ULK1: variants seen among roughly 807,000 people sequenced by gnomAD.
ULK1 encodes serine/threonine-protein kinase ULK1.
A neutral mutation model predicts 117.5 loss-of-function variants in ULK1; 48 were observed. The ratio of observed to expected loss-of-function variants is 0.41; its 90% CI spans 0.32 to 0.52. The LOEUF (loss-of-function observed/expected upper bound fraction) is 0.52. Among genes scored for constraint, ULK1 ranks in the 20% least tolerant of loss-of-function variants. ULK1 has a pLI of 0.29. For synonymous variants in ULK1, 790 were observed against 637.8 expected (o/e 1.24, Z -3.60); for missense variants, 1,387 against 1,473.4 (o/e 0.94, Z 0.96).
chr12:131,917,193 G>GGACGGGGGTTC (rs1889862284), intron 21 of ULK1, 131 bp downstream of exon 21: 1 of 24,750 alleles, frequency 4.0e-5, no homozygotes, highest in Non-Finnish European at 9.1e-5. Context: ...GGGTCGGGTG[G>GGACGGGGGTTC]GGCTTGGAGG....
chr12:131,913,718 A>T, intron 14 of ULK1, 29 bp from the exon 15 acceptor site: 1 of 1,452,206 alleles, frequency 6.9e-7, no homozygotes, highest in Non-Finnish European at 9.1e-7. Context: ...AAACAAAAAA[A>T]TGCCCTTGGC....
chr12:131,917,088 GC>G, intron 21 of ULK1, 26 bp downstream of exon 21: 1 of 1,464,434 alleles, frequency 6.8e-7, no homozygotes, highest in Non-Finnish European at 9.3e-7. Context: ...GGGCTCGGAG[GC>G]TGTGGGATGG....
rs1890050114 is a variant in ULK1 at position 131,919,481 on chromosome 12, A to G, written c.2694A>G (p.Glu898=). The G allele has an allele frequency of 1.2e-6, 2 of 1,610,820 alleles. No homozygotes were observed. The highest frequency in any genetic ancestry group is 1.7e-6 in the Non-Finnish European group (2 of 1,178,924). ...TGCCTGCCGCCCCCAGCTTCGCGGA[A>G]CAGCTGGTGCTGTACCTGAAGGTGG... is the stretch of plus-strand genomic sequence containing the variant. The part of the protein sequence containing the change: ...SLLSREWGFA[E]QLVLYLKVAE... The change falls in exon 25 of 28, where the codon GAA becomes GAG. Residue 898 remains glutamate, a synonymous_variant. Coordinates refer to ENST00000321867, the MANE Select transcript of ULK1 (RefSeq NM_003565.4).
chr12:131,906,421 A>C (rs1053179071), intron 3 of ULK1: 1 of 162,328 alleles, frequency 6.2e-6, no homozygotes, highest in African/African-American at 2.4e-5. Flanking sequence ...ACGGGGTTTC[A>C]CCATGTTGGC....
At position 131,902,559 on chromosome 12, in the gene ULK1, T is replaced by C. The variant is rs1889130017; in HGVS notation, c.247-4333T>C. Among the ~76,000 whole-genome samples, 2 of 152,154 alleles carry C rather than the reference T, an allele frequency of 1.3e-5. No individual in the cohort carries two copies. On this transcript the variant is annotated intron_variant, in intron 3 of 27. Transcript: ENST00000321867. The surrounding 1 kb of genome is among the most constrained non-coding windows in gnomAD (Gnocchi z 6.3). Reference sequence around the variant, plus strand: ...GGAGACAGTGGGGTGTTGATATTGCTGTCTTTTTGAAGTGTTCTGAGCCTC... The same window carrying C: ...GGAGACAGTGGGGTGTTGATATTGCCGTCTTTTTGAAGTGTTCTGAGCCTC...
In ULK1 at chr12:131,894,926, CGGCCCGCGCCT is replaced by C; in HGVS notation, c.-75_-65del. On this transcript the variant is annotated 5_prime_UTR_variant, in exon 1 of 28. The change abolishes the stop of an existing upstream ORF in the 5' untranslated region. Coordinates refer to ENST00000321867, the MANE Select transcript of ULK1 (RefSeq NM_003565.4). ...CCCCGCGCCCCCGGCCCGCCCGCCC[CGGCCCGCGCCT>C]CCGCCTGAGTCCCCCGCGCCTTGGC... The C allele has an allele frequency of 6.6e-6, 2 of 305,248 alleles. No homozygotes were observed. Among genetic ancestry groups the C allele is most frequent in the Non-Finnish European group, 9.4e-6 (2 of 213,012 alleles). The allele number at this position is 305,248 out of a possible 1,614,324, so 18.9% of individuals were successfully genotyped here. A position where few individuals can be genotyped will look rare whatever the true frequency, so the allele number is the denominator to read the frequency against.
In ULK1 at chr12:131,915,899, G is replaced by C; in HGVS notation, c.1618G>C (p.Ala540Pro). The C allele has an allele frequency of 6.2e-7, 1 of 1,610,746 alleles. No individual in the cohort carries two copies. The highest frequency in any genetic ancestry group is 8.5e-7 in the Non-Finnish European group (1 of 1,179,792). The change falls in exon 19 of 28, where the codon GCA becomes CCA. Residue 540 changes from alanine to proline, a missense_variant. By Grantham distance (27) the Ala-to-Pro change is conservative. Coordinates refer to ENST00000321867, the MANE Select transcript of ULK1 (RefSeq NM_003565.4). ...GGRSPRPGSS[A>P]PEHSPRTSGL... ...GGCGTGTCTCTCTCTAGGCTCCTCT[G>C]CACCCGAGCACTCTCCCCGCACTTC... is the stretch of plus-strand genomic sequence containing the variant.
chr12:131,917,532 C>G lies in ULK1; in HGVS notation c.2304C>G (p.Gly768=). 1 of 1,444,388 alleles carries G rather than the reference C, an allele frequency of 6.9e-7. No homozygotes were observed. The highest frequency in any genetic ancestry group is 9.1e-7 in the Non-Finnish European group (1 of 1,094,500). 89.5% of individuals were successfully genotyped at this position (1,444,388 alleles called of 1,614,324 possible). A position where few individuals can be genotyped will look rare whatever the true frequency, so the allele number is the denominator to read the frequency against. The change falls in exon 22 of 28, where the codon GGC becomes GGG. Residue 768 remains glycine (G), a synonymous_variant. Transcript: ENST00000321867. ...CGAGCGGGAGCACGCCCCCCCAGGG[C>G]CCCCGCACCAGGATGTTCTCAGGTG... The part of the protein sequence containing the change: ...SPPSGSTPPQ[G]PRTRMFSAGP...
chr12:131,906,954 C>G (rs1276055513), intron 4 of ULK1, 30 bp downstream of exon 4: 1 of 1,613,928 alleles, frequency 6.2e-7, no homozygotes, highest in African/African-American at 1.3e-5. Context: ...AGGACAAGTG[C>G]AGGCTGATGG....
chr12:131,910,146 C>T, intron 10 of ULK1, 108 bp from the exon 11 acceptor site: 2 of 1,573,380 alleles, frequency 1.3e-6, no homozygotes, highest in South Asian at 1.1e-5. Flanking sequence ...GGCTCCACCT[C>T]CGCCCGGGCA....
intron 12 of ULK1, 55 bp downstream of exon 12, chr12:131,910,855 G>C: frequency 1.2e-6 from 2 of 1,605,990 alleles, no homozygotes; most frequent in Non-Finnish European, 1.7e-6. Context: ...GCAGTCAGGG[G>C]CTCCAGCCCT....
intron 11 of ULK1, 30 bp from the exon 12 acceptor site, chr12:131,910,682 C>T: frequency 6.2e-7 from 1 of 1,612,970 alleles, no homozygotes; most frequent in Non-Finnish European, 8.5e-7. Flanking sequence ...AGGAGGATGG[C>T]CCAGACTGAC....
rs1888803995 is a variant in ULK1 at position 131,895,014 on chromosome 12, C to A, written c.13C>A (p.Arg5Ser). 2 of 1,518,436 alleles carry A rather than the reference C, an allele frequency of 1.3e-6. No homozygotes were observed. Among genetic ancestry groups the A allele is most frequent in the East Asian group, 5.4e-5 (2 of 36,808 alleles). 94.1% of individuals were successfully genotyped at this position (1,518,436 alleles called of 1,614,324 possible). MEPG[R>S]GGTETVGKFE... ...GCCCGCCTGCGCCATGGAGCCCGGCCGCGGCGGCACAGAGACCGTGGGCAA... is the reference window on the plus strand; with the variant it reads ...GCCCGCCTGCGCCATGGAGCCCGGCAGCGGCGGCACAGAGACCGTGGGCAA... Residue 5 changes from arginine to serine, a missense_variant, in exon 1 of 28, where the codon CGC becomes AGC. Transcript: ENST00000321867.
chr12:131,909,096 G>C, intron 7 of ULK1, 40 bp from the exon 8 acceptor site: 1 of 1,600,238 alleles, frequency 6.2e-7, no homozygotes, highest in Non-Finnish European at 8.5e-7. Flanking sequence ...TGTGGTTGGC[G>C]TGCGGGGGCC....
chr12:131,909,393 G>A (rs1889421018), intron 8 of ULK1, among the ~76,000 whole-genome samples, 156 bp downstream of exon 8: 1 of 152,204 alleles, frequency 6.6e-6, no homozygotes, highest in African/African-American at 2.4e-5. Context: ...TGGGGAAGGG[G>A]CCTCGGTGTC....
Position 131,902,952 on chromosome 12 carries a change from G to A in ULK1, c.247-3940G>A, listed in dbSNP as rs996917066. 2.0e-5 allele frequency among the ~76,000 whole-genome samples: 3 copies of A among 152,072 alleles called. No individual in the cohort carries two copies. Among genetic ancestry groups the A allele is most frequent in the East Asian group, 1.9e-4 (1 of 5,182 alleles). ...GCTTGTGAAAACCAAATGTAGCTGC[G>A]AGGCAGACGTGGAGCCCGATGCCCT... On this transcript the variant is annotated intron_variant, in intron 3 of 27. Coordinates refer to ENST00000321867, the MANE Select transcript of ULK1 (RefSeq NM_003565.4). This position sits in a 1 kb window ranked among gnomAD's most constrained non-coding sequence, Gnocchi z 6.3.
rs1389160727 is a variant in ULK1, at chr12:131,917,009, A to G, written c.2129A>G (p.Gln710Arg). The G allele has an allele frequency of 2.5e-6, 4 of 1,571,004 alleles. No homozygotes were observed. Among genetic ancestry groups the G allele is most frequent in the Non-Finnish European group, 3.5e-6 (4 of 1,155,420 alleles). Residue 710 changes from glutamine to arginine, a missense_variant, in exon 21 of 28, where the codon CAA becomes CGA. By Grantham distance (43) the Gln-to-Arg change is conservative. Transcript: ENST00000321867. ...DLLLKAAFGT[Q>R]APDPGSTESL... ...CTCCTTAAGGCGGCGTTTGGGACAC[A>G]AGCCCCGGACCCGGGCAGCACGGAG...
intron 3 of ULK1, among the ~76,000 whole-genome samples, chr12:131,901,128 G>A (rs1300536472): frequency 1.3e-5 from 2 of 151,946 alleles, no homozygotes; most frequent in African/African-American, 4.8e-5. Flanking sequence ...GGAGGCCGAG[G>A]TGGGCAGATC....
intron 26 of ULK1, 150 bp downstream of exon 26, chr12:131,920,286 CA>C: frequency 9.6e-7 from 1 of 1,045,540 alleles, no homozygotes; most frequent in Non-Finnish European, 1.3e-6. Flanking sequence ...TATGCACCCC[CA>C]GCCTCCTGCA....
Sources: gnomAD v4.1 joint callset for allele counts (sites outside exome capture counted in the v4.1 genomes callset) on GRCh38, gnomAD v4.1.1 for gene constraint, Gnocchi (gnomAD v3.1) non-coding constraint, MANE v1.5 for transcripts, NCBI Gene and HGNC (gene_info 2026-07-23, HGNC 2026-07-21) for gene names.